The following RIT2 variants were observed in gnomAD, a reference collection of about 807,000 sequenced individuals.
The protein encoded by RIT2 is GTP-binding protein Rit2.
RIT2 carries 24 observed loss-of-function variants against 23.7 expected under a neutral mutation model. The observed-to-expected ratio is 1.01, with a 90% CI of 0.73 to 1.43. The LOEUF is 1.43. RIT2 is among the 40% of genes most tolerant of loss of function. The pLI, the probability that RIT2 is intolerant of heterozygous loss-of-function variation, is 0.00. For synonymous variants in RIT2, 107 were observed against 91.1 expected, an observed-to-expected ratio of 1.17 and a Z score of -0.99; for missense variants, 236 against 266.9, an observed-to-expected ratio of 0.88 and a Z score of 0.81.
chr18:43,098,270 T>A (rs4130047), intron 1 of RIT2, among the ~76,000 whole-genome samples: 1 of 151,668 alleles, frequency 6.6e-6, no homozygotes, highest in Non-Finnish European at 1.5e-5. Flanking sequence ...TAATCTTTTA[T>A]GGTCAGAGTT....
intron 4 of RIT2, among the ~76,000 whole-genome samples, chr18:42,870,333 C>A (rs561140799): frequency 2.9e-4 from 44 of 152,082 alleles, no homozygotes; most frequent in African/African-American, 1.0e-3. Flanking sequence ...CTCCACCTCC[C>A]AGGTTCAAGC....
At chr18:42,953,470 G>C (rs1287988874) in intron 3 of RIT2, among the ~76,000 whole-genome samples, 1 of 152,102 alleles carries the variant, frequency 6.6e-6, no homozygotes, top group Non-Finnish European at 1.5e-5. Flanking sequence ...GGAGAACAAA[G>C]AGGACATTAT....
intron 3 of RIT2, among the ~76,000 whole-genome samples, chr18:42,949,311 A>G (rs1909796027): frequency 6.6e-6 from 1 of 152,230 alleles, no homozygotes; most frequent in East Asian, 1.9e-4. Flanking sequence ...TTCCTAAAAG[A>G]AATTTATTTG....
chr18:42,830,450 G>A (rs1343940361), intron 4 of RIT2, among the ~76,000 whole-genome samples: 1 of 152,192 alleles, frequency 6.6e-6, no homozygotes, highest in Non-Finnish European at 1.5e-5. Flanking sequence ...ACTCCTTCCT[G>A]AGAGGCTTCA....
At chr18:42,948,112 C>A (rs1482931801) in intron 3 of RIT2, among the ~76,000 whole-genome samples, 3 of 152,026 alleles carry the variant, frequency 2.0e-5, no homozygotes, top group African/African-American at 7.2e-5. Flanking sequence ...CTAAATGTGG[C>A]ACATATAATA....
At chr18:42,996,069 C>T (rs546944288) in intron 2 of RIT2, among the ~76,000 whole-genome samples, 21 of 152,288 alleles carry the variant, frequency 1.4e-4, no homozygotes, top group Admixed American at 4.6e-4. Context: ...CTTGGGTCCT[C>T]CCAATTCTTA....
intron 2 of RIT2, among the ~76,000 whole-genome samples, chr18:42,988,325 A>G (rs979017487): frequency 6.6e-6 from 1 of 152,246 alleles, no homozygotes; most frequent in Non-Finnish European, 1.5e-5. Context: ...CTATATTTGC[A>G]TAAAATTAAC....
chr18:42,938,373 G>A (rs1318065117), intron 3 of RIT2, among the ~76,000 whole-genome samples: 1 of 152,140 alleles, frequency 6.6e-6, no homozygotes, highest in Non-Finnish European at 1.5e-5. Flanking sequence ...GATCTTGGAT[G>A]AAGAAGAAAG....
At chr18:42,908,647 G>T (rs1049872651) in intron 4 of RIT2, among the ~76,000 whole-genome samples, 1 of 152,124 alleles carries the variant, frequency 6.6e-6, no homozygotes, top group African/African-American at 2.4e-5. Flanking sequence ...ATCAAGTGCT[G>T]AAAGAGCGGT....
At chr18:43,051,311 T>C (rs1912377992) in intron 1 of RIT2, among the ~76,000 whole-genome samples, 1 of 152,086 alleles carries the variant, frequency 6.6e-6, no homozygotes, top group Non-Finnish European at 1.5e-5. Flanking sequence ...ATTTTTCCAT[T>C]ACAGATAGGA....
chr18:42,749,830 A>T lies in RIT2; in HGVS notation c.427-6110T>A, dbSNP rs572850754. 2.6e-5 allele frequency among the ~76,000 whole-genome samples: 4 copies of T among 151,990 alleles called. No individual in the cohort carries two copies. The East Asian group carries it at 7.7e-4, about 29-fold the overall frequency. Reference sequence around the variant, plus strand: ...AATTCGTGATTAAAACCTTTCCCATAATTAAGTCTCTATGACCAGAAGCCT... The same window carrying T: ...AATTCGTGATTAAAACCTTTCCCATTATTAAGTCTCTATGACCAGAAGCCT... On this transcript the variant is annotated intron_variant, in intron 4 of 4. Transcript: ENST00000326695.
At chr18:43,089,580 CA>C (rs57385269) in intron 1 of RIT2, among the ~76,000 whole-genome samples, 113,920 of 148,328 alleles carry the variant, frequency 0.77, 44,525 homozygotes, top group East Asian at 0.99. Context: ...CAATCCTAAG[CA>C]AAAAAAAATA....
intron 1 of RIT2, among the ~76,000 whole-genome samples, chr18:43,072,081 G>A (rs1912911340): frequency 6.6e-6 from 1 of 152,030 alleles, no homozygotes; most frequent in African/African-American, 2.4e-5. Context: ...CACCTCCCGG[G>A]TGCAAGGGAA....
intron 4 of RIT2, among the ~76,000 whole-genome samples, chr18:42,783,256 C>G (rs1014236996): frequency 6.6e-6 from 1 of 151,624 alleles, no homozygotes; most frequent in Non-Finnish European, 1.5e-5. Context: ...GAAAGCCACT[C>G]CAAAAAATGG....
At chr18:42,945,185 T>G (rs1250585426) in intron 3 of RIT2, among the ~76,000 whole-genome samples, 1 of 152,140 alleles carries the variant, frequency 6.6e-6, no homozygotes, top group African/African-American at 2.4e-5. Context: ...TCTGATAACT[T>G]TAATGCTTGT....
intron 1 of RIT2, among the ~76,000 whole-genome samples, chr18:43,079,580 G>A (rs1342816298): frequency 6.6e-6 from 1 of 152,148 alleles, no homozygotes. Context: ...TGTCAAGAGG[G>A]TTCCTTGGAA....
chr18:42,997,693 A>G (rs981459892), intron 2 of RIT2, among the ~76,000 whole-genome samples: 1 of 152,174 alleles, frequency 6.6e-6, no homozygotes, highest in African/African-American at 2.4e-5. Context: ...ACTGAAAAAA[A>G]ATCACGTCTC....
At chr18:43,062,918 T>C (rs1457244492) in intron 1 of RIT2, among the ~76,000 whole-genome samples, 1 of 152,128 alleles carries the variant, frequency 6.6e-6, no homozygotes, top group Non-Finnish European at 1.5e-5. Flanking sequence ...TGGCTACCAA[T>C]ACAACTGGAC....
intron 4 of RIT2, among the ~76,000 whole-genome samples, chr18:42,840,781 G>A (rs529988989): frequency 1.3e-5 from 2 of 152,346 alleles, no homozygotes; most frequent in African/African-American, 2.4e-5. Context: ...GGTTATAGGC[G>A]TGAGCCACCG....
Sources: gnomAD v4.1 joint callset for allele counts (sites outside exome capture counted in the v4.1 genomes callset) on GRCh38, gnomAD v4.1.1 for gene constraint, MANE v1.5 for transcripts, NCBI Gene and HGNC (gene_info 2026-07-23, HGNC 2026-07-21) for gene names.